CBFA2T3: variants seen among roughly 807,000 people sequenced by gnomAD.
CBFA2T3 encodes CBFA2/RUNX1 partner transcriptional co-repressor 3.
CBFA2T3 carries 31 observed loss-of-function variants against 58.6 expected under a neutral mutation model. The ratio of observed to expected loss-of-function variants is 0.53; its 90% CI spans 0.40 to 0.71. The LOEUF (loss-of-function observed/expected upper bound fraction) is 0.71, where lower values mean the gene tolerates loss of function less well. Ranked by LOEUF, CBFA2T3 falls within the 30% of genes least tolerant of loss-of-function variation. CBFA2T3 has a pLI of 0.00. For synonymous variants in CBFA2T3, 531 were observed against 421.9 expected, an observed-to-expected ratio of 1.26 and a Z score of -3.17; for missense variants, 1,076 against 963.1, an observed-to-expected ratio of 1.12 and a Z score of -1.55.
chr16:88,946,176 C>T (rs995208765), intron 1 of CBFA2T3, among the ~76,000 whole-genome samples: 3 of 151,910 alleles, frequency 2.0e-5, no homozygotes, highest in African/African-American at 4.8e-5. Flanking sequence ...GGCGTGGTGG[C>T]GGTGCCTGTA....
intron 1 of CBFA2T3, among the ~76,000 whole-genome samples, chr16:88,930,968 T>C (rs1165524222): frequency 6.6e-6 from 1 of 151,978 alleles, no homozygotes; most frequent in Non-Finnish European, 1.5e-5. Flanking sequence ...TAAGTGCTAC[T>C]GAAGTGACAC....
chr16:88,904,577 G>T (rs1970230664), intron 1 of CBFA2T3, among the ~76,000 whole-genome samples: 1 of 152,252 alleles, frequency 6.6e-6, no homozygotes, highest in African/African-American at 2.4e-5. Flanking sequence ...CAAACCTGAG[G>T]CCGAACGGAG....
chr16:88,890,365 A>ATCTGG (rs1411022508), intron 5 of CBFA2T3, among the ~76,000 whole-genome samples: 1 of 152,204 alleles, frequency 6.6e-6, no homozygotes, highest in Non-Finnish European at 1.5e-5. Flanking sequence ...GCCAGGGAGC[A>ATCTGG]TCTGGTCTGG....
At chr16:88,882,566 ATGG>A in intron 8 of CBFA2T3, 107 bp downstream of exon 8, 1 of 368,746 alleles carries the variant, frequency 2.7e-6, no homozygotes, top group Non-Finnish European at 4.6e-6. Context: ...GTGTGTGGGC[ATGG>A]CTGTGGGCGT....
chr16:88,904,307 T>G (rs1052480584), intron 1 of CBFA2T3, among the ~76,000 whole-genome samples: 10 of 152,016 alleles, frequency 6.6e-5, no homozygotes, highest in South Asian at 2.1e-4. Context: ...TATCGACGAC[T>G]CATTGCATCC....
chr16:88,924,052 C>G (rs1327730441), intron 1 of CBFA2T3, among the ~76,000 whole-genome samples: 1 of 152,128 alleles, frequency 6.6e-6, no homozygotes, highest in Non-Finnish European at 1.5e-5. Context: ...GGGGCGTGGT[C>G]AGGCAAGGTC....
chr16:88,884,890 C>T, intron 7 of CBFA2T3, 156 bp downstream of exon 7: 1 of 617,314 alleles, frequency 1.6e-6, no homozygotes, highest in Non-Finnish European at 2.8e-6. Context: ...CACCGCTCTG[C>T]TCCAGGGGGA....
chr16:88,887,674 C>T (rs990826930), intron 5 of CBFA2T3, among the ~76,000 whole-genome samples: 4 of 152,148 alleles, frequency 2.6e-5, no homozygotes, highest in Admixed American at 6.5e-5. Flanking sequence ...TGGGAACCTC[C>T]GGCAGTGCCT....
At chr16:88,947,806 CAG>C (rs1191273259) in intron 1 of CBFA2T3, among the ~76,000 whole-genome samples, 1 of 152,048 alleles carries the variant, frequency 6.6e-6, no homozygotes, top group Non-Finnish European at 1.5e-5. Context: ...CCCAGCTACT[CAG>C]GGGGCTGAGG....
chr16:88,896,900 G>A (rs1255961784), intron 3 of CBFA2T3, among the ~76,000 whole-genome samples: 1 of 152,216 alleles, frequency 6.6e-6, no homozygotes, highest in Non-Finnish European at 1.5e-5. Context: ...TCCCTCCCGC[G>A]CTGCTGGGCA....
chr16:88,902,154 A>C (rs1470576813), intron 1 of CBFA2T3, among the ~76,000 whole-genome samples: 1 of 152,194 alleles, frequency 6.6e-6, no homozygotes, highest in East Asian at 1.9e-4. Flanking sequence ...CCATGGTTCT[A>C]AGAGTCCCTT....
At chr16:88,903,851 CCT>C (rs559910667) in intron 1 of CBFA2T3, among the ~76,000 whole-genome samples, 189 of 152,340 alleles carry the variant, frequency 1.2e-3, no homozygotes, top group African/African-American at 3.6e-3. Flanking sequence ...GGGGATGCCC[CCT>C]GTTTGGACTT....
intron 10 of CBFA2T3, among the ~76,000 whole-genome samples, chr16:88,880,320 G>A (rs781556650): frequency 1.3e-5 from 2 of 152,086 alleles, no homozygotes; most frequent in Non-Finnish European, 2.9e-5. Flanking sequence ...GATTCCCACG[G>A]CATGAGCAAA....
At chr16:88,900,474 G>C (rs1425360125) in intron 2 of CBFA2T3, among the ~76,000 whole-genome samples, 4 of 152,228 alleles carry the variant, frequency 2.6e-5, no homozygotes, top group Non-Finnish European at 4.4e-5. Flanking sequence ...TAGCCACCCG[G>C]TGCTCTGAGG....
intron 1 of CBFA2T3, among the ~76,000 whole-genome samples, chr16:88,906,510 C>G (rs749773800): frequency 6.6e-6 from 1 of 152,232 alleles, no homozygotes; most frequent in Non-Finnish European, 1.5e-5. Flanking sequence ...AAAATAAAAT[C>G]GCACAGAGCT....
Position 88,885,783 on chromosome 16 carries a change from G to T in CBFA2T3, c.893+178C>A. ...GAGTCTGCAGCCCACTGGGGTGTCCGCCCGTGCAGCCACCAAGCCTGCTGG... is the reference window on the plus strand; with the variant it reads ...GAGTCTGCAGCCCACTGGGGTGTCCTCCCGTGCAGCCACCAAGCCTGCTGG... On this transcript the variant is annotated intron_variant, in intron 6 of 11. Coordinates refer to ENST00000268679, the MANE Select transcript of CBFA2T3 (RefSeq NM_005187.6). This position sits in a 1 kb window ranked among gnomAD's most constrained non-coding sequence, Gnocchi z 5.3. The T allele has an allele frequency of 1.7e-6, 1 of 601,422 alleles. No individual in the cohort carries two copies. The allele number at this position is 601,422 out of a possible 1,614,324, so 37.3% of individuals were successfully genotyped here.
rs183472857 is a variant in CBFA2T3, at chr16:88,920,621, G to A, written c.152-18965C>T. ...ATCTTAATTAATTCAAACTCCAACG[G>A]CCACAGGTGGTGCATGGTGACGGAG... is the stretch of plus-strand genomic sequence containing the variant. On this transcript the variant is annotated intron_variant, in intron 1 of 11. Coordinates refer to ENST00000268679, the MANE Select transcript of CBFA2T3 (RefSeq NM_005187.6). Among the ~76,000 whole-genome samples, 4 of 152,300 alleles carry A rather than the reference G, an allele frequency of 2.6e-5. No homozygotes were observed. The East Asian group carries it at 7.7e-4, about 29-fold the overall frequency.
At chr16:88,881,208 G>T in intron 9 of CBFA2T3, 83 bp downstream of exon 9, 2 of 1,223,482 alleles carry the variant, frequency 1.6e-6, no homozygotes, top group Non-Finnish European at 2.4e-6. Flanking sequence ...GTGTTTCGTT[G>T]CATTGCCTGC....
intron 1 of CBFA2T3, among the ~76,000 whole-genome samples, chr16:88,963,235 G>GGCCAGGGGTGGGCACTCATCTTCT (rs1972412239): frequency 9.9e-6 from 1 of 100,508 alleles, no homozygotes; most frequent in Non-Finnish European, 2.2e-5. Context: ...AGTGGGGGAA[G>GGCCAGGGGTGGGCACTCATCTTCT]GCCAGGGGTG....
Sources: allele counts gnomAD v4.1 joint callset (sites outside exome capture counted in the v4.1 genomes callset), GRCh38; gene constraint gnomAD v4.1.1; non-coding constraint Gnocchi (gnomAD v3.1); transcripts MANE v1.5; gene names NCBI Gene and HGNC (gene_info 2026-07-23, HGNC 2026-07-21).